Variants in GRIA4 observed in about 807,000 individuals in gnomAD.
The protein encoded by GRIA4 is glutamate ionotropic receptor AMPA type subunit 4, also known as glutamate receptor 4.
Under a neutral mutation model 104.0 loss-of-function variants are expected in GRIA4, and 34 were observed. The observed-to-expected ratio is 0.33, with a 90% CI of 0.25 to 0.44. The LOEUF (loss-of-function observed/expected upper bound fraction) is 0.44, where lower values mean the gene tolerates loss of function less well. Ranked by LOEUF, GRIA4 falls within the 20% of genes least tolerant of loss-of-function variation. The pLI, the probability that GRIA4 is intolerant of heterozygous loss-of-function variation, is 1.00. For missense variants in GRIA4, 750 were observed against 1,096.5 expected, an observed-to-expected ratio of 0.68 and a Z score of 4.46; for synonymous variants, 386 against 381.9, an observed-to-expected ratio of 1.01 and a Z score of -0.13.
At chr11:105,635,535 G>C (rs549925962) in intron 3 of GRIA4, among the ~76,000 whole-genome samples, 1 of 152,158 alleles carries the variant, frequency 6.6e-6, no homozygotes, top group South Asian at 2.1e-4. Flanking sequence ...GAAATACTCC[G>C]AAGGACATTT....
At chr11:105,781,081 C>A (rs1227380167) in intron 4 of GRIA4, among the ~76,000 whole-genome samples, 1 of 152,156 alleles carries the variant, frequency 6.6e-6, no homozygotes, top group Non-Finnish European at 1.5e-5. Context: ...AAATTAGTTT[C>A]AAAACTGATC....
chr11:105,805,641 AG>A (rs1257144923), intron 4 of GRIA4, among the ~76,000 whole-genome samples: 3 of 151,882 alleles, frequency 2.0e-5, no homozygotes, highest in African/African-American at 7.2e-5. Context: ...GAATGCAAAA[AG>A]GTTAGTATAG....
chr11:105,653,796 T>G (rs1393378839), intron 3 of GRIA4, among the ~76,000 whole-genome samples: 1 of 151,660 alleles, frequency 6.6e-6, no homozygotes, highest in African/African-American at 2.4e-5. Context: ...GAAAGCATCC[T>G]GGGGAAAATC....
rs557494020 is a variant in GRIA4 at position 105,843,882 on chromosome 11, T to C, written c.488-18142T>C. ...TCTGGACTTTATGTGACCTCCTCCA[T>C]TGGTCGCTTTTTTTCTGTCAATGCT... On this transcript the variant is annotated intron_variant, in intron 4 of 16. Coordinates refer to ENST00000282499, the MANE Select transcript of GRIA4 (RefSeq NM_000829.4). Among the ~76,000 whole-genome samples, 54 of 152,306 alleles carry C rather than the reference T, an allele frequency of 3.5e-4. No homozygotes were observed. The South Asian group carries it at 0.011, about 32-fold the overall frequency.
intron 12 of GRIA4, among the ~76,000 whole-genome samples, chr11:105,925,443 C>A (rs1209217416): frequency 1.3e-5 from 2 of 152,014 alleles, no homozygotes; most frequent in Admixed American, 1.3e-4. Flanking sequence ...GAAAAAATGC[C>A]TTACTTTTCT....
At chr11:105,634,558 G>C (rs1459309127) in intron 3 of GRIA4, among the ~76,000 whole-genome samples, 1 of 151,444 alleles carries the variant, frequency 6.6e-6, no homozygotes, top group South Asian at 2.1e-4. Context: ...AGAAAAACTT[G>C]CTTCTAAAGT....
At chr11:105,844,757 T>C (rs78526064) in intron 4 of GRIA4, among the ~76,000 whole-genome samples, 1 of 152,316 alleles carries the variant, frequency 6.6e-6, no homozygotes, top group African/African-American at 2.4e-5. Flanking sequence ...CTGCTACCAT[T>C]ACTGCTACTA....
chr11:105,791,672 T>C (rs1942219426), intron 4 of GRIA4, among the ~76,000 whole-genome samples: 1 of 152,144 alleles, frequency 6.6e-6, no homozygotes, highest in Admixed American at 6.6e-5. Context: ...CAGTGATTCT[T>C]TCAACTGTTC....
chr11:105,746,729 T>C (rs1939682291), intron 3 of GRIA4, among the ~76,000 whole-genome samples: 1 of 152,116 alleles, frequency 6.6e-6, no homozygotes, highest in Admixed American at 6.6e-5. Context: ...GATAACTTTT[T>C]CAAATGTATA....
Position 105,843,880 on chromosome 11 carries a change from C to T in GRIA4, c.488-18144C>T, listed in dbSNP as rs535808871. Among the ~76,000 whole-genome samples the T allele has an allele frequency of 1.9e-3, 294 of 152,304 alleles. No homozygotes were observed. In the Middle Eastern group the frequency reaches 0.027, roughly 14 times the overall value. On this transcript the variant is annotated intron_variant, in intron 4 of 16. Coordinates refer to ENST00000282499, the MANE Select transcript of GRIA4 (RefSeq NM_000829.4). ...TCTCTGGACTTTATGTGACCTCCTC[C>T]ATTGGTCGCTTTTTTTCTGTCAATG...
intron 10 of GRIA4, among the ~76,000 whole-genome samples, chr11:105,915,697 C>T (rs1425365791): frequency 6.6e-6 from 1 of 152,134 alleles, no homozygotes; most frequent in African/African-American, 2.4e-5. Context: ...AAATGAATTT[C>T]ATAAAAATGC....
Position 105,979,904 on chromosome 11 carries a change from C to A in GRIA4, c.*165C>A. On this transcript the variant is annotated 3_prime_UTR_variant, in exon 17 of 17. Coordinates refer to ENST00000282499, the MANE Select transcript of GRIA4 (RefSeq NM_000829.4). The stretch of plus-strand genomic sequence containing the variant: ...CGGACATCAGCAGCAGCAACGTGTG[C>A]ATGAGCTCAGCTCGGAAACCCAAAC... The A allele has an allele frequency of 8.1e-6, 4 of 492,502 alleles. No homozygotes were observed. The highest frequency in any genetic ancestry group is 3.1e-5 in the East Asian group (1 of 31,792). 30.5% of individuals were successfully genotyped at this position (492,502 alleles called of 1,614,324 possible).
intron 14 of GRIA4, among the ~76,000 whole-genome samples, chr11:105,950,947 G>A (rs926601408): frequency 6.6e-6 from 1 of 152,170 alleles, no homozygotes; most frequent in South Asian, 2.1e-4. Context: ...CACTGGACCA[G>A]AAGGCAGAAG....
intron 4 of GRIA4, among the ~76,000 whole-genome samples, chr11:105,815,895 T>C (rs894052107): frequency 6.6e-6 from 1 of 152,314 alleles, no homozygotes; most frequent in Admixed American, 6.5e-5. Context: ...AAGATATTTA[T>C]CCATTTATTC....
intron 14 of GRIA4, among the ~76,000 whole-genome samples, chr11:105,939,308 C>T (rs1948127896): frequency 1.3e-5 from 2 of 152,138 alleles, no homozygotes; most frequent in Non-Finnish European, 2.9e-5. Flanking sequence ...TACCACTACA[C>T]TTAGAAGTTG....
At chr11:105,664,288 A>T (rs1952100049) in intron 3 of GRIA4, among the ~76,000 whole-genome samples, 1 of 150,378 alleles carries the variant, frequency 6.6e-6, no homozygotes, top group South Asian at 2.1e-4. Context: ...AGTGCAAATG[A>T]AGGGCCCTAG....
intron 3 of GRIA4, 188 bp downstream of exon 3, chr11:105,612,622 T>C (rs1038922810): frequency 3.8e-6 from 2 of 522,730 alleles, no homozygotes; most frequent in Non-Finnish European, 6.6e-6. Context: ...TTTTTTCTTT[T>C]CCTTAATTTA....
At chr11:105,907,005 T>C (rs1947063411) in intron 9 of GRIA4, among the ~76,000 whole-genome samples, 1 of 152,172 alleles carries the variant, frequency 6.6e-6, no homozygotes, top group Non-Finnish European at 1.5e-5. Flanking sequence ...TTAAACAGAA[T>C]ATTTTAAAAC....
At chr11:105,771,628 C>A (rs1210123243) in intron 4 of GRIA4, among the ~76,000 whole-genome samples, 2 of 152,018 alleles carry the variant, frequency 1.3e-5, no homozygotes, top group Non-Finnish European at 2.9e-5. Context: ...AAACTATGCA[C>A]TGAAGTAATT....
Sources: gnomAD v4.1 joint callset for allele counts (sites outside exome capture counted in the v4.1 genomes callset) on GRCh38, gnomAD v4.1.1 for gene constraint, MANE v1.5 for transcripts, NCBI Gene and HGNC (gene_info 2026-07-23, HGNC 2026-07-21) for gene names.